Variants in DTNA observed in about 807,000 individuals in gnomAD.
DTNA encodes the protein dystrophin-related protein 3.
A neutral mutation model predicts 100.7 loss-of-function variants in DTNA; 43 were observed. The observed-to-expected ratio is 0.43, with a 90% CI of 0.33 to 0.55. DTNA has a LOEUF of 0.55. Ranked by LOEUF, DTNA falls within the 20% of genes least tolerant of loss-of-function variation. The pLI is 0.04. For missense variants in DTNA, 798 were observed against 953.9 expected (o/e 0.84, Z 2.15); for synonymous variants, 349 against 347.9 (o/e 1.00, Z -0.04).
intron 1 of DTNA, among the ~76,000 whole-genome samples, chr18:34,670,534 T>G (rs887970975): frequency 6.6e-6 from 1 of 152,230 alleles, no homozygotes; most frequent in Non-Finnish European, 1.5e-5. Flanking sequence ...TGTTCTGTTT[T>G]TTCCCCATCT....
intron 21 of DTNA, among the ~76,000 whole-genome samples, chr18:34,882,784 A>G (rs1206615471): frequency 6.6e-6 from 1 of 152,248 alleles, no homozygotes; most frequent in East Asian, 1.9e-4. Flanking sequence ...CAGGCCCATT[A>G]AGAAAGATGC....
intron 4 of DTNA, 80 bp downstream of exon 4, chr18:34,794,330 AT>A: frequency 6.7e-7 from 1 of 1,488,746 alleles, no homozygotes; most frequent in Non-Finnish European, 9.3e-7. Context: ...TTCCCAAACA[AT>A]TTTATATCTC....
intron 1 of DTNA, chr18:34,574,136 G>A (rs944548392): frequency 2.6e-5 from 4 of 152,324 alleles, no homozygotes; most frequent in African/African-American, 7.2e-5. Flanking sequence ...CAATGGCCAT[G>A]GCCAGACATA....
intron 5 of DTNA, among the ~76,000 whole-genome samples, chr18:34,808,642 T>A (rs1361869817): frequency 1.3e-5 from 2 of 152,160 alleles, no homozygotes; most frequent in African/African-American, 2.4e-5. Flanking sequence ...ATTGATTAGA[T>A]CTTTACAATT....
In DTNA at chr18:34,504,189, C is replaced by T. The variant is rs1204683654; in HGVS notation, c.-2+10675C>T. 2.6e-5 allele frequency: 4 copies of T among 151,864 alleles called. No homozygotes were observed. In the South Asian group the frequency reaches 6.3e-4, roughly 24 times the overall value. 9.4% of individuals were successfully genotyped at this position (151,864 alleles called of 1,614,324 possible). A position where few individuals can be genotyped will look rare whatever the true frequency, so the allele number is the denominator to read the frequency against. ...TTTTGTTTTGTTTTGTTTTTTTAAT[C>T]ATCACTCTAAGTATTACATCATATA... On this transcript the variant is annotated intron_variant, in intron 1 of 19. Coordinates refer to the DTNA transcript ENST00000283365.
intron 11 of DTNA, among the ~76,000 whole-genome samples, chr18:34,834,916 C>T (rs914471413): frequency 8.5e-5 from 13 of 152,154 alleles, no homozygotes; most frequent in Non-Finnish European, 1.5e-4. Flanking sequence ...AAAAATTTCA[C>T]TTTGCTGCCT....
chr18:34,838,782 G>A lies in DTNA; in HGVS notation c.1291G>A (p.Asp431Asn), dbSNP rs777304620. 5 of 1,613,666 alleles carry A rather than the reference G, an allele frequency of 3.1e-6. No individual in the cohort carries two copies. Among genetic ancestry groups the A allele is most frequent in the Non-Finnish European group, 4.2e-6 (5 of 1,179,822 alleles). ...CCTGAATGTGGCAGACAGGCTAGCT[G>A]ATGAACATGTTCTCATCGGGTTGTA... ...YSLNVADRLA[D>N]EHVLIGLYVN... Residue 431 changes from aspartate to asparagine, a missense_variant, in exon 13 of 23, where the codon GAT becomes AAT. Transcript: ENST00000444659.
chr18:34,707,077 A>G (rs1465314366), upstream of DTNA, among the ~76,000 whole-genome samples: 1 of 152,182 alleles, frequency 6.6e-6, no homozygotes, highest in Non-Finnish European at 1.5e-5. Flanking sequence ...TTTTAATTTC[A>G]TTAACATTGG....
At chr18:34,525,554 G>A (rs2042536155) in intron 1 of DTNA, among the ~76,000 whole-genome samples, 1 of 152,102 alleles carries the variant, frequency 6.6e-6, no homozygotes, top group South Asian at 2.1e-4. Context: ...TTTTGAAAAT[G>A]CATTGTAAGA....
intron 1 of DTNA, among the ~76,000 whole-genome samples, chr18:34,595,420 C>T (rs926346615): frequency 1.3e-5 from 2 of 151,504 alleles, no homozygotes; most frequent in Non-Finnish European, 2.9e-5. Context: ...ATGTAAAATT[C>T]TAAAATGAAG....
chr18:34,499,551 T>C (rs2039666576), intron 1 of DTNA, among the ~76,000 whole-genome samples: 1 of 152,204 alleles, frequency 6.6e-6, no homozygotes, highest in African/African-American at 2.4e-5. Flanking sequence ...TTACCAAACT[T>C]TTCCAGAGTG....
At chr18:34,866,289 T>A (rs755609348) in intron 17 of DTNA, 245 of 1,523,384 alleles carry the variant, frequency 1.6e-4, no homozygotes, top group Non-Finnish European at 2.1e-4. Flanking sequence ...AGTGCTTGAA[T>A]TGAGATATAT....
At chr18:34,850,462 C>A (rs888712002) in intron 14 of DTNA, among the ~76,000 whole-genome samples, 1 of 152,166 alleles carries the variant, frequency 6.6e-6, no homozygotes, top group Non-Finnish European at 1.5e-5. Flanking sequence ...CTATATAAGT[C>A]ATTCTTTGCT....
intron 1 of DTNA, among the ~76,000 whole-genome samples, chr18:34,745,593 T>C (rs10502636): frequency 0.11 from 16,753 of 152,190 alleles, 1,314 homozygotes; most frequent in African/African-American, 0.22. Flanking sequence ...TGGTTCCTAG[T>C]GCATGAGGAG....
chr18:34,803,066 A>G (rs1489567157), intron 4 of DTNA, among the ~76,000 whole-genome samples: 1 of 152,110 alleles, frequency 6.6e-6, no homozygotes. Flanking sequence ...AACCGCATAA[A>G]TATTTATCCA....
intron 1 of DTNA, among the ~76,000 whole-genome samples, chr18:34,674,191 C>T (rs897702420): frequency 1.3e-5 from 2 of 152,340 alleles, no homozygotes; most frequent in South Asian, 2.1e-4. Context: ...GGCCCAGAAT[C>T]CCTAATGGGA....
In DTNA at chr18:34,568,510, C is replaced by T. The variant is rs538411268; in HGVS notation, c.-2+74996C>T. Among the ~76,000 whole-genome samples the T allele has an allele frequency of 6.6e-5, 10 of 152,294 alleles. No individual in the cohort carries two copies. In the South Asian group the frequency reaches 1.2e-3, roughly 19 times the overall value. ...ATATTTTCTATCCTCTATCCTCCTT[C>T]TCTGTTGTCTTTTTACTTTCCTACA... is the stretch of plus-strand genomic sequence containing the variant. On this transcript the variant is annotated intron_variant, in intron 1 of 19. Transcript: ENST00000283365.
At chr18:34,860,731 C>T (rs1285171439) in intron 16 of DTNA, among the ~76,000 whole-genome samples, 1 of 152,146 alleles carries the variant, frequency 6.6e-6, no homozygotes, top group Admixed American at 6.5e-5. Flanking sequence ...TTTTCACTTT[C>T]GCCACAAGAA....
intron 1 of DTNA, among the ~76,000 whole-genome samples, chr18:34,580,760 G>A (rs1334597117): frequency 6.6e-6 from 1 of 152,112 alleles, no homozygotes; most frequent in Non-Finnish European, 1.5e-5. Context: ...CTGCTACTGT[G>A]CACTGAATGA....
Sources: gnomAD v4.1 joint callset for allele counts (sites outside exome capture counted in the v4.1 genomes callset) on GRCh38, gnomAD v4.1.1 for gene constraint, MANE v1.5 for transcripts, NCBI Gene and HGNC (gene_info 2026-07-23, HGNC 2026-07-21) for gene names.